CCDC171: variants seen among roughly 807,000 people sequenced by gnomAD.
CCDC171 encodes the protein coiled-coil domain-containing protein 171.
A neutral mutation model predicts 168.2 loss-of-function variants in CCDC171; 177 were observed. The observed-to-expected ratio is 1.05, with a 90% confidence interval of 0.93 to 1.19. The LOEUF (loss-of-function observed/expected upper bound fraction) is 1.19. CCDC171 is among the 50% of genes most tolerant of loss of function. The pLI is 0.00. For synonymous variants in CCDC171, 687 were observed against 540.8 expected, an observed-to-expected ratio of 1.27 and a Z score of -3.75; for missense variants, 1,991 against 1,539.0, an observed-to-expected ratio of 1.29 and a Z score of -4.91.
At chr9:15,730,491 A>G (rs753939788) in intron 16 of CCDC171, among the ~76,000 whole-genome samples, 7 of 151,888 alleles carry the variant, frequency 4.6e-5, no homozygotes, top group Non-Finnish European at 7.4e-5. Context: ...ATTTATTAAT[A>G]GGTCACTTTT....
At chr9:15,920,963 A>T (rs1486484058) in intron 25 of CCDC171, among the ~76,000 whole-genome samples, 1 of 69,546 alleles carries the variant, frequency 1.4e-5, no homozygotes, top group African/African-American at 3.1e-5. Flanking sequence ...ACTTAACACT[A>T]AAAAAAAAAA....
intron 9 of CCDC171, among the ~76,000 whole-genome samples, chr9:15,675,149 T>G (rs2049430788): frequency 6.7e-6 from 1 of 149,168 alleles, no homozygotes; most frequent in Admixed American, 6.7e-5. Context: ...TTTGTCAGTT[T>G]AAAGTCTGTT....
At chr9:15,988,742 T>A (rs1832083802) in intron 3 of CCDC171, among the ~76,000 whole-genome samples, 1 of 152,162 alleles carries the variant, frequency 6.6e-6, no homozygotes, top group Non-Finnish European at 1.5e-5. Flanking sequence ...ATACTGCACT[T>A]TTCCAATGGT....
At chr9:15,778,666 G>A (rs868732868) in intron 19 of CCDC171, among the ~76,000 whole-genome samples, 141 of 67,878 alleles carry the variant, frequency 2.1e-3, no homozygotes, top group Middle Eastern at 8.3e-3. Flanking sequence ...AAAAAAAAAA[G>A]GCATGACATT....
upstream of CCDC171, chr9:15,552,978 G>C (rs2038458175): frequency 6.6e-6 from 1 of 152,590 alleles, no homozygotes; most frequent in Non-Finnish European, 1.5e-5. Flanking sequence ...TCCAGGAGCT[G>C]CAAGCTGAGG....
intron 21 of CCDC171, among the ~76,000 whole-genome samples, chr9:15,790,908 G>A (rs1175390126): frequency 1.3e-5 from 2 of 152,180 alleles, no homozygotes; most frequent in African/African-American, 4.8e-5. Context: ...GATGGTTGTA[G>A]ACATGTGGTA....
intron 3 of CCDC171, among the ~76,000 whole-genome samples, chr9:16,007,191 A>G (rs1250872477): frequency 1.3e-5 from 2 of 152,186 alleles, no homozygotes; most frequent in Non-Finnish European, 2.9e-5. Context: ...AGTGATGGTG[A>G]GCATTTTTTC....
chr9:15,853,172 G>A (rs145194957), intron 23 of CCDC171, among the ~76,000 whole-genome samples: 1 of 151,568 alleles, frequency 6.6e-6, no homozygotes, highest in Non-Finnish European at 1.5e-5. Flanking sequence ...GGGGAGTATT[G>A]TCATCTTAAC....
intron 21 of CCDC171, among the ~76,000 whole-genome samples, chr9:15,785,843 CATTTTAAACTACCTCT>C (rs1188141940): frequency 6.6e-6 from 1 of 151,900 alleles, no homozygotes; most frequent in East Asian, 1.9e-4. Context: ...ATGAATTACT[CATTTTAAACTACCTCT>C]GTGAGGTAGG....
chr9:16,000,138 A>G (rs1832496384), intron 3 of CCDC171, among the ~76,000 whole-genome samples: 1 of 152,172 alleles, frequency 6.6e-6, no homozygotes, highest in Non-Finnish European at 1.5e-5. Flanking sequence ...TGAGAGTCAC[A>G]TTGCATGCCC....
chr9:16,060,073 C>T (rs865936086), intron 1 of CCDC171, among the ~76,000 whole-genome samples: 2 of 152,096 alleles, frequency 1.3e-5, no homozygotes, highest in Admixed American at 6.5e-5. Flanking sequence ...TTGAGGGAGA[C>T]GTAGCATGTA....
chr9:16,024,370 G>T (rs775468816), intron 6 of CCDC171, among the ~76,000 whole-genome samples: 22 of 152,172 alleles, frequency 1.4e-4, no homozygotes, highest in Non-Finnish European at 2.8e-4. Context: ...TCTAAAGGGA[G>T]ATTACTCTAA....
intron 6 of CCDC171, among the ~76,000 whole-genome samples, chr9:15,611,087 C>T (rs900769720): frequency 2.6e-5 from 4 of 152,076 alleles, no homozygotes; most frequent in South Asian, 2.1e-4. Flanking sequence ...ATGAGCTCCA[C>T]GAGATCTGGT....
At position 15,731,318 on chromosome 9, in the gene CCDC171, A is replaced by T. The variant is rs78549687; in HGVS notation, c.2049+1520A>T. Among the ~76,000 whole-genome samples, 1,458 of 152,164 alleles carry T rather than the reference A, an allele frequency of 9.6e-3. 27 individuals are homozygous for T. Among genetic ancestry groups the T allele is most frequent in the African/African-American group, 0.034 (1,394 of 41,538 alleles). On this transcript the variant is annotated intron_variant, in intron 16 of 25. Transcript: ENST00000380701. ...GATCATTACCCCATTTAAGACTTCA[A>T]ACATTTTCATTACCCTAGAGTGTTC...
chr9:15,564,252 T>C (rs149143351), intron 2 of CCDC171, 123 bp downstream of exon 2: 5 of 660,030 alleles, frequency 7.6e-6, no homozygotes, highest in Non-Finnish European at 1.0e-5. Flanking sequence ...GTAGAAATTC[T>C]GTGGGACTGA....
the CCDC171 span, among the ~76,000 whole-genome samples, chr9:16,084,683 G>C: frequency 6.6e-6 from 1 of 152,152 alleles, no homozygotes; most frequent in Admixed American, 6.5e-5. Flanking sequence ...TGCCATGGGG[G>C]CCCCCAGGAA....
chr9:15,960,030 G>C (rs1432089037), intron 25 of CCDC171, among the ~76,000 whole-genome samples: 1 of 152,148 alleles, frequency 6.6e-6, no homozygotes, highest in Non-Finnish European at 1.5e-5. Flanking sequence ...ACACCAAGCA[G>C]CTCTTGATGG....
chr9:15,807,185 T>C (rs1365625529), intron 21 of CCDC171, among the ~76,000 whole-genome samples: 29 of 152,226 alleles, frequency 1.9e-4, no homozygotes, highest in Non-Finnish European at 1.5e-5. Flanking sequence ...TGATCTTTGT[T>C]CCTATCCATA....
At chr9:15,844,844 T>A (rs2060829459) in intron 21 of CCDC171, among the ~76,000 whole-genome samples, 1 of 152,066 alleles carries the variant, frequency 6.6e-6, no homozygotes, top group Non-Finnish European at 1.5e-5. Context: ...TTTATGATAA[T>A]TTCAAAGTCA....
Sources: gnomAD v4.1 joint callset for allele counts (sites outside exome capture counted in the v4.1 genomes callset) on GRCh38, gnomAD v4.1.1 for gene constraint, MANE v1.5 for transcripts, NCBI Gene and HGNC (gene_info 2026-07-23, HGNC 2026-07-21) for gene names.